PLXNA4: variants seen among roughly 807,000 people sequenced by gnomAD.
PLXNA4 encodes the protein plexin A4, also known as plexin-A4.
A neutral mutation model predicts 191.8 loss-of-function variants in PLXNA4; 44 were observed. The ratio of observed to expected loss-of-function variants is 0.23; its 90% CI spans 0.18 to 0.29. The LOEUF is 0.29. PLXNA4 is among the 10% of genes least tolerant of loss of function. The pLI is 1.00. For missense variants in PLXNA4, 1,800 were observed against 2,488.8 expected (o/e 0.72, Z 5.89); for synonymous variants, 1,082 against 1,009.5 (o/e 1.07, Z -1.36).
chr7:132,398,395 G>A (rs1793845976), intron 3 of PLXNA4, among the ~76,000 whole-genome samples: 2 of 152,202 alleles, frequency 1.3e-5, no homozygotes, highest in Non-Finnish European at 1.5e-5. Flanking sequence ...ACTATCACAG[G>A]TTCTATTCGT....
At chr7:132,323,646 G>A (rs1802260656) in intron 3 of PLXNA4, among the ~76,000 whole-genome samples, 1 of 152,178 alleles carries the variant, frequency 6.6e-6, no homozygotes, top group South Asian at 2.1e-4. Flanking sequence ...GGCCATGGGT[G>A]AATGTTCCAC....
intron 1 of PLXNA4, among the ~76,000 whole-genome samples, chr7:132,571,967 T>C (rs775519196): frequency 2.0e-5 from 3 of 152,096 alleles, no homozygotes; most frequent in Non-Finnish European, 2.9e-5. Context: ...AGGAGAAGAC[T>C]CATCCCCCTT....
At chr7:132,327,643 G>A (rs141243799) in intron 3 of PLXNA4, among the ~76,000 whole-genome samples, 69 of 152,232 alleles carry the variant, frequency 4.5e-4, no homozygotes, top group African/African-American at 1.4e-3. Context: ...CTGGGTTCTC[G>A]GACACAGAGG....
At chr7:132,188,263 AG>A (rs545601721) in intron 14 of PLXNA4, among the ~76,000 whole-genome samples, 254 of 152,314 alleles carry the variant, frequency 1.7e-3, no homozygotes, top group South Asian at 0.012. Flanking sequence ...ACCAGTGAGG[AG>A]TCCAGGTTGG....
At chr7:132,504,051 G>A (rs949676297) in intron 2 of PLXNA4, among the ~76,000 whole-genome samples, 2 of 152,202 alleles carry the variant, frequency 1.3e-5, no homozygotes, top group African/African-American at 4.8e-5. Flanking sequence ...TTTGTGACAG[G>A]TTCGTTTATG....
intron 9 of PLXNA4, among the ~76,000 whole-genome samples, chr7:132,219,842 C>T (rs1197117186): frequency 1.3e-5 from 2 of 152,140 alleles, no homozygotes; most frequent in Admixed American, 1.3e-4. Flanking sequence ...AAATACTTCC[C>T]ATCGTGTTAT....
intron 3 of PLXNA4, among the ~76,000 whole-genome samples, chr7:132,407,456 G>GCATGCACA (rs1304338448): frequency 6.6e-6 from 1 of 152,184 alleles, no homozygotes; most frequent in Non-Finnish European, 1.5e-5. Context: ...CATCCTACAT[G>GCATGCACA]CATGCACACA....
At chr7:132,147,733 T>G (rs1036183161) in intron 27 of PLXNA4, among the ~76,000 whole-genome samples, 167 bp downstream of exon 27, 1 of 152,162 alleles carries the variant, frequency 6.6e-6, no homozygotes, top group Non-Finnish European at 1.5e-5. Flanking sequence ...AGTGCCCGAC[T>G]GAAACCAGGG....
intron 2 of PLXNA4, among the ~76,000 whole-genome samples, chr7:132,497,865 T>G (rs1164793172): frequency 6.6e-6 from 1 of 152,198 alleles, no homozygotes; most frequent in Non-Finnish European, 1.5e-5. Flanking sequence ...CTCAGAATGA[T>G]TCTTTCGGGT....
chr7:132,565,735 T>A (rs1304819099), intron 1 of PLXNA4, among the ~76,000 whole-genome samples: 2 of 152,062 alleles, frequency 1.3e-5, no homozygotes, highest in Non-Finnish European at 2.9e-5. Context: ...TGCTATATCC[T>A]TGCAAATAGG....
intron 4 of PLXNA4, among the ~76,000 whole-genome samples, chr7:132,273,163 G>A (rs1800139788): frequency 6.6e-6 from 1 of 152,098 alleles, no homozygotes; most frequent in African/African-American, 2.4e-5. Context: ...CATCTTCATG[G>A]AGCAGATGTC....
intron 9 of PLXNA4, among the ~76,000 whole-genome samples, chr7:132,219,255 G>T (rs768901377): frequency 3.4e-4 from 51 of 152,198 alleles, no homozygotes; most frequent in Non-Finnish European, 5.7e-4. Context: ...GGAACTGCAG[G>T]CCCTGAGGGT....
intron 3 of PLXNA4, among the ~76,000 whole-genome samples, chr7:132,402,115 G>A (rs774722602): frequency 6.6e-6 from 1 of 152,148 alleles, no homozygotes. Flanking sequence ...ATACCAAAGC[G>A]AATGCACTTG....
intron 4 of PLXNA4, among the ~76,000 whole-genome samples, chr7:132,285,770 A>G (rs546941613): frequency 6.6e-6 from 1 of 152,360 alleles, no homozygotes; most frequent in South Asian, 2.1e-4. Context: ...TCTGTTTTCC[A>G]CAGAACTCAA....
chr7:132,514,960 G>A (rs1033394586), intron 1 of PLXNA4, among the ~76,000 whole-genome samples: 8 of 152,170 alleles, frequency 5.3e-5, no homozygotes, highest in Non-Finnish European at 1.2e-4. Flanking sequence ...GGGCATCTGT[G>A]CCTTTGCCCA....
intron 2 of PLXNA4, among the ~76,000 whole-genome samples, chr7:132,616,228 A>G (rs1195891849): frequency 2.0e-5 from 3 of 152,136 alleles, no homozygotes; most frequent in Non-Finnish European, 4.4e-5. Context: ...GCCTCTTCGC[A>G]GTGCTTCTGC....
intron 22 of PLXNA4, among the ~76,000 whole-genome samples, chr7:132,165,431 A>G (rs184269826): frequency 0.011 from 1,667 of 152,338 alleles, 32 homozygotes; most frequent in African/African-American, 0.037. Context: ...CATTTTGGGC[A>G]GCAGGCTGTG....
intron 3 of PLXNA4, among the ~76,000 whole-genome samples, chr7:132,349,804 A>G (rs1370625194): frequency 6.6e-6 from 1 of 152,014 alleles, no homozygotes; most frequent in African/African-American, 2.4e-5. Context: ...TAAAACTCCA[A>G]TTTCTGTATC....
chr7:132,147,814 G>A, intron 27 of PLXNA4, 86 bp downstream of exon 27: 1 of 1,574,818 alleles, frequency 6.3e-7, no homozygotes, highest in South Asian at 1.1e-5. Context: ...CTCTCCAAGA[G>A]TCTCCTGCCT....
Sources: gnomAD v4.1 joint callset for allele counts (sites outside exome capture counted in the v4.1 genomes callset) on GRCh38, gnomAD v4.1.1 for gene constraint, MANE v1.5 for transcripts, NCBI Gene and HGNC (gene_info 2026-07-23, HGNC 2026-07-21) for gene names.